NELL2: variants seen among roughly 807,000 people sequenced by gnomAD.
The protein encoded by NELL2 is neural EGFL like 2.
A neutral mutation model predicts 109.6 loss-of-function variants in NELL2; 41 were observed. That is an observed-to-expected ratio of 0.37 (90% CI 0.29 to 0.49). NELL2 has a LOEUF of 0.49. Among genes scored for constraint, NELL2 ranks in the 20% least tolerant of loss-of-function variants. The probability of loss-of-function intolerance (pLI) is 0.98; values close to 1 mark genes in which losing one functional copy is unlikely to be tolerated. For synonymous variants in NELL2, 355 were observed against 344.7 expected (o/e 1.03, Z -0.33); for missense variants, 900 against 1,008.3 (o/e 0.89, Z 1.45).
intron 2 of NELL2, 67 bp downstream of exon 2, chr12:44,875,157 GC>G: frequency 6.4e-7 from 1 of 1,554,646 alleles, no homozygotes; most frequent in Non-Finnish European, 8.7e-7. Flanking sequence ...AGGACAAGCG[GC>G]AAGAGCAACT....
At chr12:44,678,423 T>C (rs1475178903) in intron 12 of NELL2, among the ~76,000 whole-genome samples, 1 of 152,172 alleles carries the variant, frequency 6.6e-6, no homozygotes, top group East Asian at 1.9e-4. Flanking sequence ...GCATTTAGCA[T>C]GGTCGCCATG....
intron 15 of NELL2, among the ~76,000 whole-genome samples, chr12:44,568,310 T>C (rs1943735463): frequency 2.6e-5 from 4 of 152,166 alleles, no homozygotes; most frequent in African/African-American, 9.7e-5. Flanking sequence ...AGTAATGTGT[T>C]TCCAAATTAT....
chr12:44,839,958 G>C (rs1023072419), intron 2 of NELL2, among the ~76,000 whole-genome samples: 1 of 152,104 alleles, frequency 6.6e-6, no homozygotes, highest in Non-Finnish European at 1.5e-5. Context: ...AGAATTCATT[G>C]TTATCTAATT....
chr12:44,694,257 A>G (rs1260908269), intron 12 of NELL2, among the ~76,000 whole-genome samples: 2 of 152,240 alleles, frequency 1.3e-5, no homozygotes, highest in African/African-American at 2.4e-5. Flanking sequence ...AATAGAACAA[A>G]AAGACTGAGT....
chr12:44,829,118 A>C (rs1011768973), intron 2 of NELL2, among the ~76,000 whole-genome samples: 1 of 152,140 alleles, frequency 6.6e-6, no homozygotes, highest in African/African-American at 2.4e-5. Context: ...TCTCTTTATC[A>C]TCTCTTCCTC....
chr12:44,528,786 TG>T (rs1379857053), intron 16 of NELL2, among the ~76,000 whole-genome samples: 2 of 152,136 alleles, frequency 1.3e-5, no homozygotes, highest in Admixed American at 6.5e-5. Flanking sequence ...GTGTCAGAGG[TG>T]GGAGACTATT....
chr12:44,852,714 C>T (rs1944568049), intron 2 of NELL2, among the ~76,000 whole-genome samples: 1 of 152,148 alleles, frequency 6.6e-6, no homozygotes. Flanking sequence ...TCTCCCCACT[C>T]GACAGTTTCC....
intron 15 of NELL2, among the ~76,000 whole-genome samples, chr12:44,571,122 A>G (rs1414912017): frequency 6.6e-6 from 1 of 152,236 alleles, no homozygotes; most frequent in African/African-American, 2.4e-5. Flanking sequence ...AGCTGTGTGA[A>G]CAAAAGCCAT....
intron 15 of NELL2, among the ~76,000 whole-genome samples, chr12:44,601,926 A>G (rs1430901006): frequency 6.6e-6 from 1 of 152,186 alleles, no homozygotes; most frequent in Non-Finnish European, 1.5e-5. Flanking sequence ...GTTCTTGACC[A>G]CTATGTTAAA....
intron 1 of NELL2, among the ~76,000 whole-genome samples, chr12:44,891,749 C>A (rs1197209962): frequency 6.6e-6 from 1 of 152,062 alleles, no homozygotes; most frequent in Admixed American, 6.6e-5. Context: ...AAGGGCCAAG[C>A]ATGACATCAG....
intron 2 of NELL2, among the ~76,000 whole-genome samples, chr12:44,865,208 G>A (rs1266437144): frequency 1.8e-5 from 2 of 109,448 alleles, no homozygotes; most frequent in Admixed American, 2.0e-4. Flanking sequence ...CCCACTTTTT[G>A]ATGGGGTTGT....
intron 3 of NELL2, among the ~76,000 whole-genome samples, chr12:44,815,201 T>C (rs1302577478): frequency 3.3e-5 from 5 of 151,986 alleles, no homozygotes; most frequent in Non-Finnish European, 7.3e-5. Context: ...TTTCCCCCCA[T>C]CCAGAGCTCC....
At chr12:44,879,447 T>C (rs538006501), upstream of NELL2, among the ~76,000 whole-genome samples, 5 of 152,218 alleles carry the variant, frequency 3.3e-5, no homozygotes, top group East Asian at 9.6e-4. Context: ...TCCTACCATA[T>C]ACACATATCA....
intron 2 of NELL2, among the ~76,000 whole-genome samples, chr12:44,836,031 G>A (rs1006450168): frequency 6.6e-6 from 1 of 152,298 alleles, no homozygotes; most frequent in East Asian, 1.9e-4. Flanking sequence ...AAAGGGAGAG[G>A]GGGGTGGAAG....
intron 2 of NELL2, among the ~76,000 whole-genome samples, chr12:44,817,857 T>C (rs1943403440): frequency 6.6e-6 from 1 of 152,204 alleles, no homozygotes; most frequent in Admixed American, 6.5e-5. Context: ...AACCCTTGAC[T>C]TCCTCTCTGC....
At chr12:44,825,119 G>C (rs1027723871) in intron 2 of NELL2, among the ~76,000 whole-genome samples, 3 of 152,048 alleles carry the variant, frequency 2.0e-5, no homozygotes, top group African/African-American at 7.2e-5. Flanking sequence ...ACAAATTTTA[G>C]GATTGTTTCT....
intron 17 of NELL2, 195 bp downstream of exon 17, chr12:44,523,096 G>T: frequency 1.6e-6 from 1 of 611,798 alleles, no homozygotes; most frequent in Non-Finnish European, 2.8e-6. Context: ...GTTTTTGCCT[G>T]GATCTAAGGT....
At chr12:44,605,850 G>A (rs1363617678) in intron 15 of NELL2, among the ~76,000 whole-genome samples, 1 of 152,164 alleles carries the variant, frequency 6.6e-6, no homozygotes, top group East Asian at 1.9e-4. Flanking sequence ...GCACCTTGAT[G>A]TGTAGGGGCA....
At chr12:44,640,713 A>G (rs1946823446) in intron 13 of NELL2, among the ~76,000 whole-genome samples, 1 of 152,136 alleles carries the variant, frequency 6.6e-6, no homozygotes, top group African/African-American at 2.4e-5. Flanking sequence ...TCATATAGAA[A>G]TAGCTGAGGA....
Sources: gnomAD v4.1 joint callset for allele counts (sites outside exome capture counted in the v4.1 genomes callset) on GRCh38, gnomAD v4.1.1 for gene constraint, MANE v1.5 for transcripts, NCBI Gene and HGNC (gene_info 2026-07-23, HGNC 2026-07-21) for gene names.